VANGL1: variants seen among roughly 807,000 people sequenced by gnomAD.
VANGL1 encodes vang-like protein 1.
In VANGL1, 18 loss-of-function variants were observed where a neutral mutation model predicts 48.4. The ratio of observed to expected loss-of-function variants is 0.37; its 90% confidence interval spans 0.26 to 0.55. The LOEUF is 0.55. VANGL1 is among the 20% of genes least tolerant of loss of function. VANGL1 has a pLI of 0.81. For missense variants in VANGL1, 667 were observed against 675.8 expected (o/e 0.99, Z 0.14); for synonymous variants, 257 against 261.8 (o/e 0.98, Z 0.18).
At chr1:115,675,461 C>T (rs1653126632) in intron 4 of VANGL1, among the ~76,000 whole-genome samples, 4 of 151,680 alleles carry the variant, frequency 2.6e-5, no homozygotes, top group South Asian at 2.1e-4. Context: ...GAGATTGCAC[C>T]GCTGCACTCC....
chr1:115,694,970 C>G lies in VANGL1; in HGVS notation c.*3591C>G, dbSNP rs1653982377. ...TAACCCTGTGTTTTGAGAGGTCGCT[C>G]TAAACCAGTGACTTTTCCCTCCCCT... On this transcript the variant is annotated 3_prime_UTR_variant, in exon 8 of 8. Coordinates refer to ENST00000355485, the MANE Select transcript of VANGL1 (RefSeq NM_138959.3). 6.6e-6 allele frequency: 1 copy of G among 152,184 alleles called. No homozygotes were observed. The allele number at this position is 152,184 out of a possible 1,614,324, so 9.4% of individuals were successfully genotyped here. A position where few individuals can be genotyped will look rare whatever the true frequency, so the allele number is the denominator to read the frequency against.
intron 1 of VANGL1, among the ~76,000 whole-genome samples, chr1:115,650,490 A>G (rs1194119199): frequency 1.3e-5 from 2 of 152,130 alleles, no homozygotes; most frequent in African/African-American, 2.4e-5. Flanking sequence ...GCCTGCTTTC[A>G]TTTTCTGTGT....
intron 7 of VANGL1, among the ~76,000 whole-genome samples, chr1:115,686,511 G>A (rs1653638374): frequency 6.6e-6 from 1 of 152,004 alleles, no homozygotes; most frequent in Non-Finnish European, 1.5e-5. Flanking sequence ...AGAGAGTTGT[G>A]GCCAAGGAGG....
At chr1:115,667,711 GC>G (rs1652843031) in intron 4 of VANGL1, among the ~76,000 whole-genome samples, 1 of 152,150 alleles carries the variant, frequency 6.6e-6, no homozygotes. Context: ...ACTTTTCTTG[GC>G]CCCGTTCTCA....
At chr1:115,687,990 A>G (rs1469150889) in intron 7 of VANGL1, among the ~76,000 whole-genome samples, 1 of 120,084 alleles carries the variant, frequency 8.3e-6, no homozygotes, top group Non-Finnish European at 1.8e-5. Flanking sequence ...AGATAGATAG[A>G]CACATAGATA....
Position 115,654,848 on chromosome 1 carries a change from G to A in VANGL1, c.71+3364G>A, listed in dbSNP as rs543709967. Among the ~76,000 whole-genome samples the A allele has an allele frequency of 3.9e-5, 6 of 152,274 alleles. No individual in the cohort carries two copies. The South Asian group carries it at 1.2e-3, about 32-fold the overall frequency. ...CTATTCTCACAGCAGTCCTAGAATG[G>A]CGGGAGGTCATAGCCCCATTTTACG... On this transcript the variant is annotated intron_variant, in intron 2 of 7. Transcript: ENST00000355485.
chr1:115,664,925 A>G (rs960333976), intron 4 of VANGL1, among the ~76,000 whole-genome samples: 2 of 152,216 alleles, frequency 1.3e-5, no homozygotes, highest in African/African-American at 4.8e-5. Flanking sequence ...TATTTGCTTC[A>G]AGGTAAGCAC....
chr1:115,671,684 G>A (rs527483306), intron 4 of VANGL1, among the ~76,000 whole-genome samples: 15 of 152,328 alleles, frequency 9.8e-5, no homozygotes, highest in African/African-American at 3.1e-4. Flanking sequence ...CAGGGGAGGC[G>A]CAGTGCAGGT....
chr1:115,646,426 T>C (rs1453944559), intron 1 of VANGL1, among the ~76,000 whole-genome samples: 1 of 151,924 alleles, frequency 6.6e-6, no homozygotes, highest in Non-Finnish European at 1.5e-5. Flanking sequence ...CTGCTGATTT[T>C]TACTCAGTGT....
chr1:115,673,988 T>A (rs2101017649), intron 4 of VANGL1, among the ~76,000 whole-genome samples: 1 of 152,288 alleles, frequency 6.6e-6, no homozygotes, highest in East Asian at 1.9e-4. Context: ...AAGGTCACAT[T>A]CTGAAGTTCT....
At chr1:115,687,587 G>C (rs1038787669) in intron 7 of VANGL1, among the ~76,000 whole-genome samples, 1 of 137,840 alleles carries the variant, frequency 7.3e-6, no homozygotes, top group African/African-American at 2.7e-5. Context: ...TTCAGCCCCT[G>C]CCCCAAAACA....
rs1345070586 is a variant in VANGL1, at chr1:115,693,109, G to T, written c.*1730G>T. The T allele has an allele frequency of 1.3e-5, 2 of 152,542 alleles. No individual in the cohort carries two copies. Among genetic ancestry groups the T allele is most frequent in the Non-Finnish European group, 2.9e-5 (2 of 68,056 alleles). 9.4% of individuals were successfully genotyped at this position (152,542 alleles called of 1,614,324 possible). A position where few individuals can be genotyped will look rare whatever the true frequency, so the allele number is the denominator to read the frequency against. ...AAGACATGCTGGAGAAGAAGGAAGGGGGAACCCATAGGTGTGGCGTGGAGC... is the reference window on the plus strand; with the variant it reads ...AAGACATGCTGGAGAAGAAGGAAGGTGGAACCCATAGGTGTGGCGTGGAGC... On this transcript the variant is annotated 3_prime_UTR_variant, in exon 8 of 8. Coordinates refer to ENST00000355485, the MANE Select transcript of VANGL1 (RefSeq NM_138959.3).
At chr1:115,648,653 T>C (rs1652027686) in intron 1 of VANGL1, among the ~76,000 whole-genome samples, 1 of 152,158 alleles carries the variant, frequency 6.6e-6, no homozygotes, top group Admixed American at 6.6e-5. Flanking sequence ...ACAAGAACCC[T>C]GGGAAGAGAG....
intron 1 of VANGL1, among the ~76,000 whole-genome samples, chr1:115,648,285 A>G (rs922777485): frequency 6.6e-6 from 1 of 152,200 alleles, no homozygotes; most frequent in African/African-American, 2.4e-5. Context: ...TACTTGGCTC[A>G]TAGCAATCCT....
rs1170760329 is a variant in VANGL1 at position 115,683,960 on chromosome 1, C to T, written c.963C>T (p.Ala321=). The change falls in exon 6 of 8, where the codon GCC becomes GCT. Residue 321 remains alanine (A), a synonymous_variant. Transcript: ENST00000355485. ...TCCCCAAAGGCCCCAGTAACAATGC[C>T]ACTGGCCAGTCCCGGGCCATGATTG... ...VYNVDGPSNN[A]TGQSRAMIAA... 2 of 1,613,592 alleles carry T rather than the reference C, an allele frequency of 1.2e-6. No homozygotes were observed. The highest frequency in any genetic ancestry group is 1.7e-6 in the Non-Finnish European group (2 of 1,179,804).
chr1:115,651,371 A>G lies in VANGL1; in HGVS notation c.-43A>G, dbSNP rs1286086399. ...GGTGAAATTTTCTACCTCTAAGGAG[A>G]AACAGTACCTGCTCCTTCCTCAAGC... On this transcript the variant is annotated 5_prime_UTR_variant, in exon 2 of 8. Transcript: ENST00000355485. 4.4e-6 allele frequency: 7 copies of G among 1,590,808 alleles called. No homozygotes were observed.
intron 2 of VANGL1, among the ~76,000 whole-genome samples, chr1:115,657,561 A>C (rs1652395514): frequency 6.7e-6 from 1 of 150,010 alleles, no homozygotes; most frequent in Admixed American, 6.6e-5. Context: ...ATGTGAGGTA[A>C]TTGGCATTGT....
At chr1:115,686,636 A>G (rs1356325701) in intron 7 of VANGL1, among the ~76,000 whole-genome samples, 1 of 152,132 alleles carries the variant, frequency 6.6e-6, no homozygotes, top group Non-Finnish European at 1.5e-5. Flanking sequence ...CCTCTATTAG[A>G]TATATGGCTG....
intron 7 of VANGL1, among the ~76,000 whole-genome samples, chr1:115,688,396 C>T (rs1425631227): frequency 7.2e-6 from 1 of 138,708 alleles, no homozygotes; most frequent in Admixed American, 7.4e-5. Context: ...AGAGCCATGC[C>T]CTGTTATTTA....
Sources: gnomAD v4.1 joint callset for allele counts (sites outside exome capture counted in the v4.1 genomes callset) on GRCh38, gnomAD v4.1.1 for gene constraint, MANE v1.5 for transcripts, NCBI Gene and HGNC (gene_info 2026-07-23, HGNC 2026-07-21) for gene names.